HSD17B12: variants seen among roughly 807,000 people sequenced by gnomAD.
The protein encoded by HSD17B12 is hydroxysteroid 17-beta dehydrogenase 12.
In HSD17B12, 32 loss-of-function variants were observed where a neutral mutation model predicts 39.3. The observed-to-expected ratio is 0.81, with a 90% CI of 0.61 to 1.09. HSD17B12 has a LOEUF of 1.09. Ranked by LOEUF, HSD17B12 falls within the 50% of genes least tolerant of loss-of-function variation. HSD17B12 has a pLI of 0.00. For synonymous variants in HSD17B12, 150 were observed against 146.7 expected, an observed-to-expected ratio of 1.02 and a Z score of -0.16; for missense variants, 342 against 382.9, an observed-to-expected ratio of 0.89 and a Z score of 0.89.
At chr11:43,605,730 G>T in the HSD17B12 span, among the ~76,000 whole-genome samples, 2 of 152,170 alleles carry the variant, frequency 1.3e-5, no homozygotes, top group African/African-American at 4.8e-5. Context: ...TAACAAAACA[G>T]AGTATACCAG....
chr11:43,683,646 G>T (rs1315080983), intron 1 of HSD17B12, among the ~76,000 whole-genome samples: 1 of 152,184 alleles, frequency 6.6e-6, no homozygotes, highest in African/African-American at 2.4e-5. Context: ...TATGTAAATA[G>T]TACTAGTAAG....
chr11:43,744,349 C>G lies in HSD17B12; in HGVS notation c.161-6562C>G, dbSNP rs536519362. On this transcript the variant is annotated intron_variant, in intron 1 of 10. Transcript: ENST00000278353. ...AGACTAAGTGATAATTGTAAAAGCC[C>G]CAATGATAAAAAAAAAAGCAGGTTA... Among the ~76,000 whole-genome samples, 59 of 151,278 alleles carry G rather than the reference C, an allele frequency of 3.9e-4. 1 individual carries two copies. Among genetic ancestry groups the G allele is most frequent in the African/African-American group, 1.1e-3 (46 of 41,176 alleles).
the HSD17B12 span, among the ~76,000 whole-genome samples, chr11:43,650,245 T>C: frequency 6.6e-6 from 1 of 152,202 alleles, no homozygotes; most frequent in Non-Finnish European, 1.5e-5. Context: ...GTAAGGAGTT[T>C]TGTTTGTTTT....
At chr11:43,594,769 T>C in the HSD17B12 span, among the ~76,000 whole-genome samples, 1 of 152,164 alleles carries the variant, frequency 6.6e-6, no homozygotes, top group Non-Finnish European at 1.5e-5. Context: ...TTTCTGGATG[T>C]TTTCTTTCCT....
At chr11:43,560,037 C>A in the HSD17B12 span, among the ~76,000 whole-genome samples, 2 of 152,100 alleles carry the variant, frequency 1.3e-5, no homozygotes, top group Non-Finnish European at 2.9e-5. Flanking sequence ...TTTTTATTTG[C>A]TGTTTTTCAT....
intron 1 of HSD17B12, chr11:43,718,550 T>C (rs1950146905): frequency 2.5e-6 from 1 of 406,346 alleles, no homozygotes; most frequent in East Asian, 4.6e-5. Flanking sequence ...TAGTAGATGC[T>C]CTCATTTAAA....
chr11:43,814,009 C>T (rs1268464600), intron 4 of HSD17B12, among the ~76,000 whole-genome samples: 1 of 152,104 alleles, frequency 6.6e-6, no homozygotes, highest in African/African-American at 2.4e-5. Context: ...GTTATTATTA[C>T]TAATATCAGG....
chr11:43,829,080 A>T (rs2135107233), intron 6 of HSD17B12, among the ~76,000 whole-genome samples: 1 of 152,358 alleles, frequency 6.6e-6, no homozygotes, highest in Non-Finnish European at 1.5e-5. Flanking sequence ...TATTTGACAG[A>T]TTAAAAAAAG....
chr11:43,715,762 T>C (rs1450703510), intron 1 of HSD17B12, among the ~76,000 whole-genome samples: 3 of 152,184 alleles, frequency 2.0e-5, no homozygotes, highest in Admixed American at 6.5e-5. Flanking sequence ...TCACCAGCTA[T>C]TGAGAGCTTG....
At chr11:43,596,344 G>A in the HSD17B12 span, among the ~76,000 whole-genome samples, 1 of 152,094 alleles carries the variant, frequency 6.6e-6, no homozygotes, top group Admixed American at 6.5e-5. Context: ...TTGAGTTCCT[G>A]GGTAGAGTAA....
intron 1 of HSD17B12, among the ~76,000 whole-genome samples, chr11:43,712,256 G>A (rs184850219): frequency 2.6e-4 from 39 of 152,104 alleles, no homozygotes; most frequent in African/African-American, 6.7e-4. Context: ...GTGAAACCCC[G>A]TCTCTACTAA....
chr11:43,841,401 T>A (rs1015995356), intron 9 of HSD17B12, among the ~76,000 whole-genome samples: 19 of 152,240 alleles, frequency 1.2e-4, no homozygotes, highest in Non-Finnish European at 2.6e-4. Flanking sequence ...TTTGATGTAG[T>A]CCAGTTTATC....
At chr11:43,572,260 A>G in the HSD17B12 span, among the ~76,000 whole-genome samples, 1 of 152,176 alleles carries the variant, frequency 6.6e-6, no homozygotes, top group Non-Finnish European at 1.5e-5. Context: ...TAAACCAGCT[A>G]GGGCTTTCCT....
At chr11:43,769,354 A>G (rs1950628133) in intron 3 of HSD17B12, among the ~76,000 whole-genome samples, 1 of 152,258 alleles carries the variant, frequency 6.6e-6, no homozygotes, top group African/African-American at 2.4e-5. Context: ...ATTAAAAACA[A>G]ATAGTCTTAC....
intron 1 of HSD17B12, among the ~76,000 whole-genome samples, chr11:43,741,853 C>T (rs1401279221): frequency 6.7e-6 from 1 of 150,090 alleles, no homozygotes; most frequent in Admixed American, 6.6e-5. Context: ...CCTGCCTCAG[C>T]CTCCCAAGCA....
At position 43,743,770 on chromosome 11, in the gene HSD17B12, A is replaced by G. The variant is rs145302980; in HGVS notation, c.161-7141A>G. ...TTGATTGCATTGTATTGAGGGTCAC[A>G]GTGTAATCACCTCACCTATGAACTC... On this transcript the variant is annotated intron_variant, in intron 1 of 10. Transcript: ENST00000278353. 3.4e-3 allele frequency among the ~76,000 whole-genome samples: 524 copies of G among 152,342 alleles called. 3 individuals carry two copies. Among genetic ancestry groups the G allele is most frequent in the Middle Eastern group, 0.014 (4 of 294 alleles).
chr11:43,708,606 G>C (rs916268146), intron 1 of HSD17B12, among the ~76,000 whole-genome samples: 3 of 152,178 alleles, frequency 2.0e-5, no homozygotes, highest in African/African-American at 7.2e-5. Flanking sequence ...TTCTCATGGA[G>C]ATGTCTTACT....
chr11:43,557,508 TAA>T, the HSD17B12 span, among the ~76,000 whole-genome samples: 2 of 152,220 alleles, frequency 1.3e-5, no homozygotes, highest in Non-Finnish European at 2.9e-5. Flanking sequence ...GAGAAAATGC[TAA>T]GTCTTTAGTG....
At chr11:43,663,033 A>G in the HSD17B12 span, among the ~76,000 whole-genome samples, 2 of 152,232 alleles carry the variant, frequency 1.3e-5, no homozygotes, top group Non-Finnish European at 2.9e-5. Flanking sequence ...CTATTAAAGT[A>G]ATTAGATTTA....
Sources: gnomAD v4.1 joint callset for allele counts (sites outside exome capture counted in the v4.1 genomes callset) on GRCh38, gnomAD v4.1.1 for gene constraint, MANE v1.5 for transcripts, NCBI Gene and HGNC (gene_info 2026-07-23, HGNC 2026-07-21) for gene names.